Variants in PTCH1 observed in about 807,000 individuals in gnomAD.
The protein encoded by PTCH1 is protein patched homolog 1.
A neutral mutation model predicts 144.6 loss-of-function variants in PTCH1; 14 were observed. The ratio of observed to expected loss-of-function variants is 0.10; its 90% CI spans 0.06 to 0.15. The LOEUF (loss-of-function observed/expected upper bound fraction) is 0.15. PTCH1 is among the 10% of genes least tolerant of loss of function. The pLI, the probability that PTCH1 is intolerant of heterozygous loss-of-function variation, is 1.00. For synonymous variants in PTCH1, 833 were observed against 793.6 expected (o/e 1.05, Z -0.83); for missense variants, 1,623 against 1,948.3 (o/e 0.83, Z 3.14).
intron 5 of PTCH1, 50 bp from the exon 6 acceptor site, chr9:95,480,638 A>T (rs1443857798): frequency 5.8e-6 from 9 of 1,564,702 alleles, no homozygotes. Flanking sequence ...TTCTAAACGC[A>T]TCGTAAAGTA....
In PTCH1 at chr9:95,476,273, TG is replaced by T; in HGVS notation, c.1603-115del. 8 of 1,474,810 alleles carry T rather than the reference TG, an allele frequency of 5.4e-6. No homozygotes were observed. The highest frequency in any genetic ancestry group is 7.3e-6 in the Non-Finnish European group (8 of 1,089,970). The allele number at this position is 1,474,810 out of a possible 1,614,324, so 91.4% of individuals were successfully genotyped here. A position where few individuals can be genotyped will look rare whatever the true frequency, so the allele number is the denominator to read the frequency against. Reference sequence around the variant, plus strand: ...ACACAACTGTTATTACAGCTTATCATGCTGGCATTAGGGAAACAGAGCCACC... The same window carrying T: ...ACACAACTGTTATTACAGCTTATCATCTGGCATTAGGGAAACAGAGCCACC... On this transcript the variant is annotated intron_variant, in intron 11 of 23. Transcript: ENST00000331920. This position sits in a 1 kb window ranked among gnomAD's most constrained non-coding sequence, Gnocchi z 4.6.
At chr9:95,447,525 C>T (rs1471518753) in intron 22 of PTCH1, 74 bp from the exon 23 acceptor site, 2 of 1,436,510 alleles carry the variant, frequency 1.4e-6, no homozygotes, top group Non-Finnish European at 1.9e-6. Context: ...CCACACTTCC[C>T]TCCTTGGGTT....
At chr9:95,504,229 T>C (rs1843380196) in intron 2 of PTCH1, among the ~76,000 whole-genome samples, 1 of 151,836 alleles carries the variant, frequency 6.6e-6, no homozygotes, top group Non-Finnish European at 1.5e-5. Context: ...GCAAAGTGAG[T>C]GTGCCCCTCA....
At chr9:95,502,972 T>C (rs1446393953) in intron 2 of PTCH1, among the ~76,000 whole-genome samples, 1 of 152,180 alleles carries the variant, frequency 6.6e-6, no homozygotes, top group Non-Finnish European at 1.5e-5. Context: ...AATAAGACAA[T>C]GTGCATACAC....
rs1286123273 is a variant in PTCH1 at position 95,458,158 on chromosome 9, C to T, written c.3023G>A (p.Ser1008Asn). ...CSNYTSLGLS[S>N]YPNGYPFLFW... ...GAGGAAGGGGTAGCCGTTGGGGTAACTGGACAGCCCCAGGCTCGTATAGTT... is the reference window on the plus strand; with the variant it reads ...GAGGAAGGGGTAGCCGTTGGGGTAATTGGACAGCCCCAGGCTCGTATAGTT... Residue 1008 changes from serine to asparagine, a missense_variant, in exon 18 of 24, where the codon AGT becomes AAT. This residue lies in a region of PTCH1 where 504 missense variants were observed against 679.3 expected (regional missense o/e 0.74). Transcript: ENST00000331920. The surrounding 1 kb of genome is among the most constrained non-coding windows in gnomAD (Gnocchi z 4.7). 1.2e-6 allele frequency: 2 copies of T among 1,614,242 alleles called. No individual in the cohort carries two copies. The highest frequency in any genetic ancestry group is 1.7e-6 in the Non-Finnish European group (2 of 1,180,046).
Position 95,508,230 on chromosome 9 carries a change from C to G in PTCH1, c.132G>C (p.Ala44=), listed in dbSNP as rs375446796. 1 of 1,610,282 alleles carries G rather than the reference C, an allele frequency of 6.2e-7. No individual in the cohort carries two copies. The highest frequency in any genetic ancestry group is 8.5e-7 in the Non-Finnish European group (1 of 1,179,352). Residue 44 remains alanine (A), a synonymous_variant, in exon 1 of 24, where the codon GCG becomes GCC. Coordinates refer to ENST00000331920, the MANE Select transcript of PTCH1 (RefSeq NM_000264.5). ...GCCGGTGCAGATAGTCCCGGTCCGG[C>G]GCGGCAGCACGGCGCAGCCCCCCCG... ...RRTGGLRRAA[A]PDRDYLHRPS...
Position 95,447,440 on chromosome 9 carries a change from G to A in PTCH1, c.3816C>T (p.Pro1272=), listed in dbSNP as rs369295226. 9.7e-5 allele frequency: 154 copies of A among 1,588,216 alleles called. No individual in the cohort carries two copies. The highest frequency in any genetic ancestry group is 2.2e-4 in the East Asian group (10 of 44,636). ...TCGAGGGTGGGTGATGCCTGGATTCGGGATGGACCACCTGCAGAGGGTGAG... is the reference window on the plus strand; with the variant it reads ...TCGAGGGTGGGTGATGCCTGGATTCAGGATGGACCACCTGCAGAGGGTGAG... ...PVFAHSTVVH[P]ESRHHPPSNP... is the part of the protein sequence containing the mutation. Residue 1272 remains proline, a synonymous_variant, in exon 23 of 24, where the codon CCC becomes CCT. Coordinates refer to ENST00000331920, the MANE Select transcript of PTCH1 (RefSeq NM_000264.5).
chr9:95,452,880 C>T (rs1016678044), intron 20 of PTCH1: 2 of 159,832 alleles, frequency 1.3e-5, no homozygotes, highest in African/African-American at 4.8e-5. Flanking sequence ...TGTTTCTAAC[C>T]CGAGACAATA....
In PTCH1 at chr9:95,476,151, G is replaced by T. The variant is rs780344685; in HGVS notation, c.1611C>A (p.Thr537=). Reference sequence around the variant, plus strand: ...CTCCTGTGCGCTTCAGGCACTCCCCGGTCCTGTCCTGGGAATAAAAAAACA... The same window carrying T: ...CTCCTGTGCGCTTCAGGCACTCCCCTGTCCTGTCCTGGGAATAAAAAAACA... ...QNKRIPFEDR[T]GECLKRTGAS... The change falls in exon 12 of 24, where the codon ACC becomes ACA. Residue 537 remains threonine (T), a synonymous_variant. Transcript: ENST00000331920. The surrounding 1 kb of genome is among the most constrained non-coding windows in gnomAD (Gnocchi z 4.6). 2 of 1,611,902 alleles carry T rather than the reference G, an allele frequency of 1.2e-6. No homozygotes were observed. The highest frequency in any genetic ancestry group is 3.3e-5 in the Admixed American group (2 of 59,816).
chr9:95,514,075 C>T (rs1844262856), upstream of PTCH1: 1 of 152,184 alleles, frequency 6.6e-6, no homozygotes, highest in South Asian at 2.1e-4. Flanking sequence ...GGTCTAAATA[C>T]TAGCTTGAAA....
intron 16 of PTCH1, among the ~76,000 whole-genome samples, chr9:95,460,193 C>T (rs964147200): frequency 4.6e-5 from 7 of 152,138 alleles, no homozygotes; most frequent in African/African-American, 1.7e-4. Context: ...GAAATGCCAC[C>T]CAGTAAATGG....
rs1843981210 is a variant in PTCH1, at chr9:95,508,925, G to C, written c.-564C>G. 6.6e-6 allele frequency among the ~76,000 whole-genome samples: 1 copy of C among 150,808 alleles called. No homozygotes were observed. The highest frequency in any genetic ancestry group is 2.4e-5 in the African/African-American group (1 of 41,176). ...AGGGTGCCCGGCGGGTCTCAGCGCT[G>C]CCGGGCCCGGGCAGCCGCAGCTGCC... On this transcript the variant is annotated 5_prime_UTR_variant, in exon 1 of 24. Transcript: ENST00000331920.
intron 12 of PTCH1, chr9:95,474,074 AG>A (rs1840823422): frequency 2.0e-6 from 1 of 502,888 alleles, no homozygotes; most frequent in Admixed American, 2.0e-5. Flanking sequence ...AACCTCATGT[AG>A]CTTTTCAGAC....
rs1447415225 is a variant in PTCH1 at position 95,476,310 on chromosome 9, C to A, written c.1603-151G>T. ...GGAAACAGAGCCACCTGCCTTACCC[C>A]CTAACACCAGCATTATTCAGTACCA... On this transcript the variant is annotated intron_variant, in intron 11 of 23. Transcript: ENST00000331920. The surrounding 1 kb of genome is among the most constrained non-coding windows in gnomAD (Gnocchi z 4.6). 7.3e-6 allele frequency: 8 copies of A among 1,095,610 alleles called. No individual in the cohort carries two copies. Among genetic ancestry groups the A allele is most frequent in the Admixed American group, 2.0e-5 (1 of 50,042 alleles). The allele number at this position is 1,095,610 out of a possible 1,614,324, so 67.9% of individuals were successfully genotyped here.
chr9:95,488,839 G>A (rs1397354781), intron 2 of PTCH1, among the ~76,000 whole-genome samples: 1 of 152,242 alleles, frequency 6.6e-6, no homozygotes, highest in Non-Finnish European at 1.5e-5. Flanking sequence ...TAGCAGGGAA[G>A]ACCTAAAGGG....
intron 19 of PTCH1, among the ~76,000 whole-genome samples, chr9:95,454,121 G>A (rs770344603): frequency 1.3e-5 from 2 of 152,342 alleles, no homozygotes; most frequent in Admixed American, 6.5e-5. Flanking sequence ...AGCACTATGA[G>A]TGTATTGCAA....
chr9:95,511,613 G>A (rs1402612435), upstream of PTCH1, among the ~76,000 whole-genome samples: 1 of 152,232 alleles, frequency 6.6e-6, no homozygotes, highest in Non-Finnish European at 1.5e-5. Flanking sequence ...CGGAAAGCAG[G>A]CGGGCAGCAT....
intron 2 of PTCH1, among the ~76,000 whole-genome samples, chr9:95,502,596 A>G (rs1843223247): frequency 6.6e-6 from 1 of 152,234 alleles, no homozygotes; most frequent in Admixed American, 6.5e-5. Flanking sequence ...AGCAAACACT[A>G]TAACCCTAAA....
At chr9:95,477,039 G>C (rs982525067) in intron 10 of PTCH1, among the ~76,000 whole-genome samples, 182 bp from the exon 11 acceptor site, 1 of 152,234 alleles carries the variant, frequency 6.6e-6, no homozygotes, top group African/African-American at 2.4e-5. Context: ...AGGAGATCCT[G>C]CACGTTTCTA....
Sources: allele counts gnomAD v4.1 joint callset (sites outside exome capture counted in the v4.1 genomes callset), GRCh38; gene constraint gnomAD v4.1.1; regional missense constraint gnomAD v4.1.1; non-coding constraint Gnocchi (gnomAD v3.1); transcripts MANE v1.5; gene names NCBI Gene and HGNC (gene_info 2026-07-23, HGNC 2026-07-21).